Variants in NEK5 observed in about 807,000 individuals in gnomAD.
The protein encoded by NEK5 is serine/threonine-protein kinase Nek5.
In NEK5, 88 loss-of-function variants were observed where a neutral mutation model predicts 109.2. The ratio of observed to expected loss-of-function variants is 0.81; its 90% confidence interval spans 0.68 to 0.96. NEK5 has a LOEUF of 0.96. Ranked by LOEUF, NEK5 falls within the 40% of genes least tolerant of loss-of-function variation. The pLI, the probability that NEK5 is intolerant of heterozygous loss-of-function variation, is 0.00. For synonymous variants in NEK5, 283 were observed against 299.9 expected (o/e 0.94, Z 0.58); for missense variants, 834 against 920.7 (o/e 0.91, Z 1.22).
intron 1 of NEK5, 66 bp from the exon 2 acceptor site, chr13:52,127,728 T>C: frequency 2.6e-6 from 1 of 384,772 alleles, no homozygotes; most frequent in Non-Finnish European, 4.6e-6. Context: ...ACTTTTGCCC[T>C]GTATTCTCGG....
chr13:52,075,169 C>T (rs973670803), intron 19 of NEK5, among the ~76,000 whole-genome samples: 1 of 152,208 alleles, frequency 6.6e-6, no homozygotes, highest in South Asian at 2.1e-4. Flanking sequence ...GACACATATA[C>T]TCACATGTTC....
intron 4 of NEK5, among the ~76,000 whole-genome samples, chr13:52,116,110 G>A (rs897150277): frequency 2.7e-5 from 4 of 149,952 alleles, no homozygotes; most frequent in African/African-American, 9.8e-5. Context: ...AAGCCCAGAA[G>A]GTCAAGGCTG....
intron 17 of NEK5, among the ~76,000 whole-genome samples, chr13:52,079,662 C>G (rs1436454318): frequency 6.6e-6 from 1 of 152,294 alleles, no homozygotes; most frequent in Non-Finnish European, 1.5e-5. Flanking sequence ...ACCTCCACCT[C>G]CCACCCGCCT....
rs1289823939 is a variant in NEK5, at chr13:52,119,338, G to A, written c.195C>T (p.Ala65=). The change falls in exon 4 of 24, where the codon GCC becomes GCT. Residue 65 remains alanine (A), a synonymous_variant. Transcript: ENST00000684899. ...LEKMKHPNIV[A]FFNSFQENGR... is the part of the protein sequence containing the mutation. ...TCAAACCTTGAAATGAATTGAAGAA[G>A]GCTACAATGTTGGGATGTTTCATCT... is the stretch of plus-strand genomic sequence containing the variant. The A allele has an allele frequency of 6.3e-7, 1 of 1,590,920 alleles. No homozygotes were observed. Among genetic ancestry groups the A allele is most frequent in the Non-Finnish European group, 8.6e-7 (1 of 1,162,300 alleles).
intron 22 of NEK5, among the ~76,000 whole-genome samples, chr13:52,055,995 A>AG (rs1229951368): frequency 6.6e-6 from 1 of 152,094 alleles, no homozygotes; most frequent in African/African-American, 2.4e-5. Context: ...TAAAAGACAC[A>AG]GACTGGCAAA....
intron 4 of NEK5, 150 bp downstream of exon 4, chr13:52,119,169 G>C (rs975409906): frequency 4.3e-5 from 18 of 419,370 alleles, no homozygotes; most frequent in Non-Finnish European, 7.2e-5. Flanking sequence ...AGGAAATAAC[G>C]AGGACGTCTC....
intron 20 of NEK5, among the ~76,000 whole-genome samples, chr13:52,067,119 C>A (rs1954703920): frequency 6.6e-6 from 1 of 152,094 alleles, no homozygotes; most frequent in African/African-American, 2.4e-5. Flanking sequence ...ACTATAATTT[C>A]TGTAATATAT....
chr13:52,049,485 A>G, intron 23 of NEK5, among the ~76,000 whole-genome samples: 1 of 152,208 alleles, frequency 6.6e-6, no homozygotes, highest in East Asian at 1.9e-4. Flanking sequence ...GCCAATTCCC[A>G]TAATTTAATC....
At chr13:52,112,500 A>G (rs1238720693) in intron 4 of NEK5, 135 bp from the exon 5 acceptor site, 1 of 561,580 alleles carries the variant, frequency 1.8e-6, no homozygotes, top group African/African-American at 1.9e-5. Context: ...GACTCTGGGC[A>G]AGTCACTTTA....
In NEK5 at chr13:52,070,384, C is replaced by T. The variant is rs921265080; in HGVS notation, c.1849+1560G>A. 2.8e-4 allele frequency among the ~76,000 whole-genome samples: 43 copies of T among 152,144 alleles called. 1 individual carries two copies. Among genetic ancestry groups the T allele is most frequent in the African/African-American group, 9.7e-4 (40 of 41,418 alleles). ...CCAAGATAACTTTAGTAACTGATATCGTTTGGCTGTGTCCCACCCAAATCT... is the reference window on the plus strand; with the variant it reads ...CCAAGATAACTTTAGTAACTGATATTGTTTGGCTGTGTCCCACCCAAATCT... On this transcript the variant is annotated intron_variant, in intron 20 of 23. Coordinates refer to ENST00000684899, the MANE Select transcript of NEK5 (RefSeq NM_001365552.1).
chr13:52,073,910 T>G (rs1270696179), intron 19 of NEK5, among the ~76,000 whole-genome samples: 1 of 151,730 alleles, frequency 6.6e-6, no homozygotes, highest in Non-Finnish European at 1.5e-5. Flanking sequence ...TACCTAGGAG[T>G]ACATCTAACC....
chr13:52,071,352 G>T (rs1311794274), intron 20 of NEK5, among the ~76,000 whole-genome samples: 2 of 152,118 alleles, frequency 1.3e-5, no homozygotes, highest in African/African-American at 4.8e-5. Flanking sequence ...AACCTTATCT[G>T]CACACCTTAT....
chr13:52,099,844 T>C lies in NEK5; in HGVS notation c.925A>G (p.Lys309Glu), dbSNP rs202117610. The change falls in exon 12 of 24, where the codon AAG becomes GAG. Residue 309 changes from lysine (K) to glutamate (E), a missense_variant. By Grantham distance (56) the Lys-to-Glu change is moderately conservative. Coordinates refer to ENST00000684899, the MANE Select transcript of NEK5 (RefSeq NM_001365552.1). ...GATATCCTTGATCTTGGTGGGCACT[T>C]TCCCTGGAATCTCACTTTTTGTATT... ...CKIQKVRFQG[K>E]CPPRSRISVP... 195 of 1,613,750 alleles carry C rather than the reference T, an allele frequency of 1.2e-4. No individual in the cohort carries two copies. Among genetic ancestry groups the C allele is most frequent in the Non-Finnish European group, 1.5e-4 (175 of 1,179,792 alleles).
In NEK5 at chr13:52,092,925, T is replaced by C. The variant is rs1593967838; in HGVS notation, c.1208+129A>G. ...AAAAAGGTCAAGGGAACTATGTGTT[T>C]AAAATGAAGATTTGGAAAGTTCTTC... On this transcript the variant is annotated intron_variant, in intron 13 of 23. Transcript: ENST00000684899. The C allele has an allele frequency of 2.2e-5, 14 of 651,052 alleles. No individual in the cohort carries two copies. In the East Asian group the frequency reaches 3.9e-4, roughly 18 times the overall value. 40.3% of individuals were successfully genotyped at this position (651,052 alleles called of 1,614,324 possible). A position where few individuals can be genotyped will look rare whatever the true frequency, so the allele number is the denominator to read the frequency against.
intron 17 of NEK5, chr13:52,082,193 T>G (rs1489480752): frequency 1.9e-5 from 5 of 267,564 alleles, no homozygotes; most frequent in Non-Finnish European, 3.5e-5. Context: ...CAGGCGCCTA[T>G]AATTCCAGCT....
At chr13:52,058,843 A>T (rs1429927274) in intron 22 of NEK5, among the ~76,000 whole-genome samples, 1 of 152,226 alleles carries the variant, frequency 6.6e-6, no homozygotes, top group African/African-American at 2.4e-5. Context: ...CTAAAACCAT[A>T]AAAACCATAG....
In NEK5 at chr13:52,102,139, T is replaced by G. The variant is rs34756139; in HGVS notation, c.763A>C (p.Lys255Gln). The change falls in exon 10 of 24, where the codon AAA becomes CAA. Residue 255 changes from lysine (K) to glutamine (Q), a missense_variant. Coordinates refer to ENST00000684899, the MANE Select transcript of NEK5 (RefSeq NM_001365552.1). ...ATAAGATTCTCTAAAAAGGGCCTTT[T>G]CAAAATGGAATTTATGGATGGTCGG... Reference protein sequence around the residue: ...RDRPSINSILKRPFLENLIPK... With the variant: ...RDRPSINSILQRPFLENLIPK... The G allele has an allele frequency of 0.11, 178,100 of 1,613,320 alleles. 10,534 individuals carry two copies. Among genetic ancestry groups the G allele is most frequent in the Middle Eastern group, 0.15 (896 of 6,062 alleles).
chr13:52,125,586 T>C (rs1270577856), intron 3 of NEK5, among the ~76,000 whole-genome samples: 1 of 152,058 alleles, frequency 6.6e-6, no homozygotes, highest in African/African-American at 2.4e-5. Flanking sequence ...AGATATTACC[T>C]GAAGTTATCT....
rs139436428 is a variant in NEK5 at position 52,108,367 on chromosome 13, A to C, written c.505T>G (p.Tyr169Asp). The change falls in exon 8 of 24, where the codon TAC becomes GAC. Residue 169 changes from tyrosine (Y) to aspartate (D), a missense_variant. Tyr to Asp is a radical substitution (Grantham distance 160, BLOSUM62 -3). Around this residue, in one of 2 missense-constraint regions of NEK5, gnomAD observed 777 missense variants for 824.7 expected, o/e 0.94. Transcript: ENST00000684899. The part of the protein sequence containing the change: ...ELARTCIGTP[Y>D]YLSPEICQNK... ...TGACAGATCTCTGGGGACAGGTAGT[A>C]AGGTGTTCCAATACAAGTTCGAGCA... 28 of 1,611,158 alleles carry C rather than the reference A, an allele frequency of 1.7e-5. No homozygotes were observed. In the African/African-American group the frequency reaches 3.1e-4, roughly 18 times the overall value.
Sources: allele counts gnomAD v4.1 joint callset (sites outside exome capture counted in the v4.1 genomes callset), GRCh38; gene constraint gnomAD v4.1.1; regional missense constraint gnomAD v4.1.1; transcripts MANE v1.5; gene names NCBI Gene and HGNC (gene_info 2026-07-23, HGNC 2026-07-21).